Variants in DNER observed in about 807,000 individuals in gnomAD.
DNER encodes the protein delta and Notch-like epidermal growth factor-related receptor.
DNER carries 33 observed loss-of-function variants against 78.2 expected under a neutral mutation model. The observed-to-expected ratio is 0.42, with a 90% CI of 0.32 to 0.56. The LOEUF is 0.56. DNER is among the 20% of genes least tolerant of loss of function. The pLI is 0.11. For missense variants in DNER, 918 were observed against 975.3 expected (o/e 0.94, Z 0.78); for synonymous variants, 417 against 384.8 (o/e 1.08, Z -0.98).
chr2:229,578,976 C>T (rs1697348418), intron 4 of DNER, among the ~76,000 whole-genome samples: 1 of 152,096 alleles, frequency 6.6e-6, no homozygotes, highest in South Asian at 2.1e-4. Context: ...TGTTCATATC[C>T]AAGATGAGAG....
chr2:229,627,334 A>C (rs1483097226), intron 1 of DNER, among the ~76,000 whole-genome samples: 3 of 152,238 alleles, frequency 2.0e-5, no homozygotes, highest in African/African-American at 2.4e-5. Context: ...TAGAAAAGGA[A>C]AATAGCTCAA....
rs148745578 is a variant in DNER, at chr2:229,691,952, C to CA, written c.276+22195dup. Among the ~76,000 whole-genome samples, 1,455 of 152,188 alleles carry CA rather than the reference C, an allele frequency of 9.6e-3. 22 individuals are homozygous for CA. The highest frequency in any genetic ancestry group is 0.032 in the African/African-American group (1,343 of 41,496). On this transcript the variant is annotated intron_variant, in intron 1 of 12. Transcript: ENST00000341772. ...CTCTCTGTTTCCCTAGGGTTGCTGGCAATATGAATAGTGTGAACCTGGAGC... is the reference window on the plus strand; with the variant it reads ...CTCTCTGTTTCCCTAGGGTTGCTGGCAAATATGAATAGTGTGAACCTGGAGC...
chr2:229,596,473 C>A (rs1360931865), intron 1 of DNER, among the ~76,000 whole-genome samples: 1 of 152,250 alleles, frequency 6.6e-6, no homozygotes, highest in Non-Finnish European at 1.5e-5. Flanking sequence ...TACAGACCCA[C>A]TTCACAGGTG....
At chr2:229,680,278 T>A (rs1305644929) in intron 1 of DNER, among the ~76,000 whole-genome samples, 1 of 152,068 alleles carries the variant, frequency 6.6e-6, no homozygotes, top group East Asian at 1.9e-4. Flanking sequence ...GAGTCACGGA[T>A]GGCTTCTCAG....
chr2:229,421,038 G>A (rs140118596), intron 8 of DNER, among the ~76,000 whole-genome samples: 2 of 152,242 alleles, frequency 1.3e-5, no homozygotes, highest in East Asian at 1.9e-4. Context: ...ACAGAAGAAC[G>A]GACAGGTCAA....
chr2:229,575,893 T>A (rs183285110), intron 4 of DNER, among the ~76,000 whole-genome samples: 63 of 152,332 alleles, frequency 4.1e-4, no homozygotes, highest in African/African-American at 1.5e-3. Flanking sequence ...ATAATCTTGA[T>A]TGCTGACAAT....
chr2:229,379,991 A>G (rs1000122128), intron 11 of DNER, among the ~76,000 whole-genome samples: 1 of 152,222 alleles, frequency 6.6e-6, no homozygotes, highest in Non-Finnish European at 1.5e-5. Context: ...TGAGAATGCT[A>G]AGGGGGAGGC....
intron 8 of DNER, among the ~76,000 whole-genome samples, chr2:229,437,046 G>A (rs1301621702): frequency 1.3e-5 from 2 of 152,200 alleles, no homozygotes; most frequent in Non-Finnish European, 2.9e-5. Context: ...CTATCTTTGA[G>A]AGACCCATCT....
intron 1 of DNER, among the ~76,000 whole-genome samples, chr2:229,656,844 T>C (rs1280758768): frequency 6.6e-6 from 1 of 152,252 alleles, no homozygotes; most frequent in Non-Finnish European, 1.5e-5. Context: ...TTCTCTTTTT[T>C]TCTGGCCTTG....
At chr2:229,496,457 C>T (rs1172321177) in intron 6 of DNER, among the ~76,000 whole-genome samples, 1 of 152,092 alleles carries the variant, frequency 6.6e-6, no homozygotes, top group Non-Finnish European at 1.5e-5. Context: ...CCTCACCTAT[C>T]AATAATTATT....
At position 229,591,941 on chromosome 2, in the gene DNER, C is replaced by A; in HGVS notation, c.277-53G>T. The A allele has an allele frequency of 6.9e-7, 1 of 1,450,832 alleles. No individual in the cohort carries two copies. The highest frequency in any genetic ancestry group is 2.5e-5 in the East Asian group (1 of 40,272). 89.9% of individuals were successfully genotyped at this position (1,450,832 alleles called of 1,614,324 possible). A position where few individuals can be genotyped will look rare whatever the true frequency, so the allele number is the denominator to read the frequency against. ...TATTCCCTCATAAGAAAAGTGGTGC[C>A]ATCGCTGGGAAATTAGCTCTGTGTC... is the stretch of plus-strand genomic sequence containing the variant. On this transcript the variant is annotated intron_variant, in intron 1 of 12. Coordinates refer to ENST00000341772, the MANE Select transcript of DNER (RefSeq NM_139072.4). The surrounding 1 kb of genome is among the most constrained non-coding windows in gnomAD (Gnocchi z 4.6).
chr2:229,602,257 G>A (rs7588346), intron 1 of DNER, among the ~76,000 whole-genome samples: 4,650 of 152,132 alleles, frequency 0.031, 213 homozygotes, highest in African/African-American at 0.097. Context: ...CTCAACCAAT[G>A]CAGAAAAAAC....
chr2:229,407,251 G>A lies in DNER; in HGVS notation c.1704C>T (p.Ile568=). ...ACTTGCCTGTAAACCCGGGTGCACA[G>A]ATGCACGTGCCATTCAGGCCGTCGC... ...CDSDGLNGTC[I]CAPGFTGEEC... The change falls in exon 10 of 13, where the codon ATC becomes ATT. Residue 568 remains isoleucine, a synonymous_variant. Transcript: ENST00000341772. The A allele has an allele frequency of 2.5e-6, 4 of 1,613,160 alleles. 1 individual carries two copies. The highest frequency in any genetic ancestry group is 8.5e-7 in the Non-Finnish European group (1 of 1,179,176).
At chr2:229,596,383 G>T (rs949020456) in intron 1 of DNER, among the ~76,000 whole-genome samples, 1 of 152,216 alleles carries the variant, frequency 6.6e-6, no homozygotes, top group Admixed American at 6.5e-5. Flanking sequence ...GCTTTAAAAG[G>T]AGTAAAAGCT....
At position 229,714,416 on chromosome 2, in the gene DNER, G is replaced by T. The variant is rs2154217996; in HGVS notation, c.8C>A (p.Pro3His). The T allele has an allele frequency of 8.7e-7, 1 of 1,152,418 alleles. No homozygotes were observed. Among genetic ancestry groups the T allele is most frequent in the Non-Finnish European group, 1.1e-6 (1 of 940,042 alleles). 71.4% of individuals were successfully genotyped at this position (1,152,418 alleles called of 1,614,324 possible). MQ[P>H]RRAQAPGAQL... ...CGCACCGGGCGCCTGGGCGCGGCGG[G>T]GCTGCATGGCCGGCCGGGAGGGCGC... The change falls in exon 1 of 13, where the codon CCC becomes CAC. Residue 3 changes from proline to histidine, a missense_variant. Pro to His is a moderately conservative substitution (Grantham distance 77). Transcript: ENST00000341772.
At chr2:229,559,101 G>A (rs1023866100) in intron 4 of DNER, among the ~76,000 whole-genome samples, 3 of 152,154 alleles carry the variant, frequency 2.0e-5, no homozygotes, top group Admixed American at 6.5e-5. Flanking sequence ...AACTTTGTGG[G>A]GGGTGTGGTG....
chr2:229,591,497 T>C lies in DNER; in HGVS notation c.585+83A>G. On this transcript the variant is annotated intron_variant, in intron 2 of 12. Transcript: ENST00000341772. The surrounding 1 kb of genome is among the most constrained non-coding windows in gnomAD (Gnocchi z 4.6). ...ATTTAACTTAAAATGCTTTCATTTT[T>C]AATTGCTGATACTAGAACCGCTGGA... 6.9e-7 allele frequency: 1 copy of C among 1,452,202 alleles called. No homozygotes were observed. Among genetic ancestry groups the C allele is most frequent in the Non-Finnish European group, 9.2e-7 (1 of 1,091,628 alleles). The allele number at this position is 1,452,202 out of a possible 1,614,324, so 90.0% of individuals were successfully genotyped here.
At chr2:229,576,817 T>C (rs1375565794) in intron 4 of DNER, among the ~76,000 whole-genome samples, 1 of 151,776 alleles carries the variant, frequency 6.6e-6, no homozygotes, top group Non-Finnish European at 1.5e-5. Flanking sequence ...GAAGAACCAG[T>C]GGGAAACCTG....
intron 1 of DNER, among the ~76,000 whole-genome samples, chr2:229,640,256 C>G (rs1200103588): frequency 6.6e-6 from 1 of 152,256 alleles, no homozygotes; most frequent in African/African-American, 2.4e-5. Context: ...TTCGCCTCCT[C>G]TGTTCTCAGC....
Sources: gnomAD v4.1 joint callset for allele counts (sites outside exome capture counted in the v4.1 genomes callset) on GRCh38, gnomAD v4.1.1 for gene constraint, Gnocchi (gnomAD v3.1) non-coding constraint, MANE v1.5 for transcripts, NCBI Gene and HGNC (gene_info 2026-07-23, HGNC 2026-07-21) for gene names.